The following CUL2 variants were observed in gnomAD, a reference collection of about 807,000 sequenced individuals.
CUL2 encodes the protein cullin-2.
In CUL2, 22 loss-of-function variants were observed where a neutral mutation model predicts 110.2. The ratio of observed to expected loss-of-function variants is 0.20; its 90% CI spans 0.14 to 0.28. The LOEUF is 0.28. Among genes scored for constraint, CUL2 ranks in the 10% least tolerant of loss-of-function variants. The probability of loss-of-function intolerance (pLI) is 1.00; values close to 1 mark genes in which losing one functional copy is unlikely to be tolerated. For missense variants in CUL2, 631 were observed against 905.5 expected (o/e 0.70, Z 3.89); for synonymous variants, 279 against 293.2 (o/e 0.95, Z 0.49).
At chr10:35,095,598 G>A (rs1428970153), upstream of CUL2, among the ~76,000 whole-genome samples, 1 of 152,030 alleles carries the variant, frequency 6.6e-6, no homozygotes, top group African/African-American at 2.4e-5. Context: ...TCCCTCCGTT[G>A]CCCGGGCTGG....
chr10:35,035,346 TTAGG>T (rs1399633572), intron 9 of CUL2, 50 bp from the exon 10 acceptor site: 1 of 1,599,032 alleles, frequency 6.3e-7, no homozygotes, highest in African/African-American at 1.3e-5. Flanking sequence ...TTTTCATTTA[TTAGG>T]TAATATATGG....
intron 2 of CUL2, among the ~76,000 whole-genome samples, chr10:35,098,556 G>A (rs190430357): frequency 2.0e-5 from 3 of 151,986 alleles, no homozygotes. Flanking sequence ...AAAAAAATGT[G>A]TGTTACCAAG....
chr10:35,052,581 C>G (rs149516467), intron 5 of CUL2, among the ~76,000 whole-genome samples: 3 of 152,210 alleles, frequency 2.0e-5, no homozygotes, highest in African/African-American at 7.2e-5. Flanking sequence ...GTGTTCACTG[C>G]AGTGTTGTTT....
intron 8 of CUL2, among the ~76,000 whole-genome samples, chr10:35,043,836 G>A (rs1353918100): frequency 2.6e-5 from 4 of 152,032 alleles, no homozygotes. Context: ...GGAGGCTGAG[G>A]CAGGAGGACT....
At chr10:35,106,321 T>G (rs1019315479) in intron 1 of CUL2, among the ~76,000 whole-genome samples, 6 of 147,754 alleles carry the variant, frequency 4.1e-5, no homozygotes, top group South Asian at 2.1e-4. Flanking sequence ...TTTTTGTGGG[T>G]TTTTTTTTGT....
At chr10:35,055,491 G>A (rs557617282) in intron 4 of CUL2, among the ~76,000 whole-genome samples, 1 of 152,348 alleles carries the variant, frequency 6.6e-6, no homozygotes, top group South Asian at 2.1e-4. Flanking sequence ...CCAGTGCTTT[G>A]GGAGGCTGAG....
At chr10:35,117,181 T>C (rs2087618732) in intron 1 of CUL2, among the ~76,000 whole-genome samples, 1 of 152,152 alleles carries the variant, frequency 6.6e-6, no homozygotes, top group Non-Finnish European at 1.5e-5. Context: ...CTAGCTTACT[T>C]GGGACAGACA....
intron 1 of CUL2, among the ~76,000 whole-genome samples, chr10:35,078,046 A>G (rs1366170331): frequency 6.6e-6 from 1 of 152,046 alleles, no homozygotes; most frequent in East Asian, 1.9e-4. Flanking sequence ...CATAAACATT[A>G]ATATTTTCAT....
chr10:35,057,772 A>T (rs1438976384), intron 4 of CUL2, among the ~76,000 whole-genome samples: 1 of 152,038 alleles, frequency 6.6e-6, no homozygotes, highest in Non-Finnish European at 1.5e-5. Context: ...TTTTACAATC[A>T]AATTTATTAA....
chr10:35,104,988 C>A (rs2087434536), intron 1 of CUL2, among the ~76,000 whole-genome samples: 1 of 151,770 alleles, frequency 6.6e-6, no homozygotes, highest in Admixed American at 6.6e-5. Context: ...CTGGGCCTCC[C>A]AATGTGCTGG....
chr10:35,043,667 T>C (rs1238866918), intron 8 of CUL2, among the ~76,000 whole-genome samples: 1 of 152,218 alleles, frequency 6.6e-6, no homozygotes, highest in Non-Finnish European at 1.5e-5. Context: ...TAATATATCT[T>C]ACATATGGTG....
In CUL2 at chr10:35,033,150, T is replaced by C. The variant is rs531659950; in HGVS notation, c.1110+16A>G. On this transcript the variant is annotated intron_variant, in intron 11 of 20. Transcript: ENST00000374749. ...GTTTTATGTACATATATAGTATATATGTATTTAAAACTTACCTTATCCAAC... is the reference window on the plus strand; with the variant it reads ...GTTTTATGTACATATATAGTATATACGTATTTAAAACTTACCTTATCCAAC... The C allele has an allele frequency of 2.0e-5, 30 of 1,510,076 alleles. No homozygotes were observed. Among genetic ancestry groups the C allele is most frequent in the Middle Eastern group, 3.4e-4 (2 of 5,814 alleles). The allele number at this position is 1,510,076 out of a possible 1,614,324, so 93.5% of individuals were successfully genotyped here. A position where few individuals can be genotyped will look rare whatever the true frequency, so the allele number is the denominator to read the frequency against.
Position 35,104,693 on chromosome 10 carries a change from A to AT in CUL2, c.-50-3634dup, listed in dbSNP as rs561900844. Among the ~76,000 whole-genome samples, 32 of 152,100 alleles carry AT rather than the reference A, an allele frequency of 2.1e-4. No individual in the cohort carries two copies. The East Asian group carries it at 5.2e-3, about 25-fold the overall frequency. ...TAAGTAACCATGGAATCCAATATAT[A>AT]TTTTTTTAACATGAACAGTCCTACT... On this transcript the variant is annotated intron_variant, in intron 1 of 5. Coordinates refer to the CUL2 transcript ENST00000685421.
At chr10:35,123,937 T>C (rs751170730) in intron 1 of CUL2, among the ~76,000 whole-genome samples, 15 of 152,146 alleles carry the variant, frequency 9.9e-5, no homozygotes, top group South Asian at 2.1e-4. Context: ...GAAGATGATG[T>C]CCAAGGACAG....
chr10:35,110,751 T>G (rs1202033651), intron 1 of CUL2, among the ~76,000 whole-genome samples: 3 of 152,132 alleles, frequency 2.0e-5, no homozygotes, highest in Non-Finnish European at 2.9e-5. Flanking sequence ...TTTGTCTCTG[T>G]GTGCATGCAT....
intron 2 of CUL2, among the ~76,000 whole-genome samples, chr10:35,067,023 C>A (rs2086546144): frequency 6.6e-6 from 1 of 151,860 alleles, no homozygotes; most frequent in Admixed American, 6.6e-5. Flanking sequence ...GTAGCGCATG[C>A]CTGTAATCCC....
In CUL2 at chr10:35,055,012, A is replaced by G. The variant is rs1159859190; in HGVS notation, c.318-473T>C. 2.0e-5 allele frequency among the ~76,000 whole-genome samples: 3 copies of G among 152,362 alleles called. No homozygotes were observed. The East Asian group carries it at 5.8e-4, about 29-fold the overall frequency. ...AGTGTTACAGATAGTAAGTATGGGC[A>G]AGATTGACAGATACAAGATGACTTT... On this transcript the variant is annotated intron_variant, in intron 4 of 20. Transcript: ENST00000374749.
chr10:35,025,018 T>A (rs543257213), intron 17 of CUL2, 114 bp downstream of exon 17: 1 of 1,317,772 alleles, frequency 7.6e-7, no homozygotes, highest in Admixed American at 3.8e-5. Context: ...TGGGGAAAGG[T>A]TGATGGAGGA....
chr10:35,081,493 G>A (rs533816279), intron 1 of CUL2, among the ~76,000 whole-genome samples: 2 of 152,148 alleles, frequency 1.3e-5, no homozygotes, highest in African/African-American at 4.8e-5. Context: ...AGGTAAATTA[G>A]AGAATTTGAA....
Sources: allele counts gnomAD v4.1 joint callset (sites outside exome capture counted in the v4.1 genomes callset), GRCh38; gene constraint gnomAD v4.1.1; transcripts MANE v1.5; gene names NCBI Gene and HGNC (gene_info 2026-07-23, HGNC 2026-07-21).